The following PTPRT variants were observed in gnomAD, a reference collection of about 807,000 sequenced individuals.
PTPRT encodes the protein protein tyrosine phosphatase receptor type T.
Under a neutral mutation model 176.8 loss-of-function variants are expected in PTPRT, and 56 were observed. The ratio of observed to expected loss-of-function variants is 0.32; its 90% confidence interval spans 0.26 to 0.40. The LOEUF is 0.40. PTPRT is among the 10% of genes least tolerant of loss of function. The pLI, the probability that PTPRT is intolerant of heterozygous loss-of-function variation, is 1.00. For synonymous variants in PTPRT, 783 were observed against 739.0 expected, an observed-to-expected ratio of 1.06 and a Z score of -0.96; for missense variants, 1,540 against 1,908.2, an observed-to-expected ratio of 0.81 and a Z score of 3.60.
chr20:42,677,998 C>A lies in PTPRT; in HGVS notation c.1021G>T (p.Asp341Tyr), dbSNP rs762711002. 1.2e-6 allele frequency: 2 copies of A among 1,614,148 alleles called. No individual in the cohort carries two copies. Among genetic ancestry groups the A allele is most frequent in the South Asian group, 1.1e-5 (1 of 91,076 alleles). ...TGTWAETHIV[D>Y]SPNYKLWHLD... is the part of the protein sequence containing the mutation. ...TGCCACAGCTTATAGTTGGGAGAGT[C>A]GACTATGTGGGTCTCTGCCCACGTG... Residue 341 changes from aspartate (D) to tyrosine (Y), a missense_variant, in exon 7 of 31, where the codon GAC (aspartate) becomes TAC (tyrosine). Asp to Tyr is a radical substitution (Grantham distance 160). This residue lies in a region of PTPRT where 273 missense variants were observed against 432.1 expected (regional missense o/e 0.63). Transcript: ENST00000373187.
At chr20:42,067,116 T>C in the PTPRT span, among the ~76,000 whole-genome samples, 2 of 152,056 alleles carry the variant, frequency 1.3e-5, no homozygotes, top group African/African-American at 2.4e-5. Flanking sequence ...TTGCTCAGAG[T>C]TGGGGTCTGG....
the PTPRT span, among the ~76,000 whole-genome samples, chr20:42,038,592 C>T: frequency 6.6e-6 from 1 of 152,112 alleles, no homozygotes; most frequent in Non-Finnish European, 1.5e-5. Flanking sequence ...GGATGCAGTC[C>T]CTGGTTCTAT....
At chr20:42,713,493 ATTATCTGCC>A (rs879717637) in intron 6 of PTPRT, among the ~76,000 whole-genome samples, 10 of 152,156 alleles carry the variant, frequency 6.6e-5, no homozygotes, top group Admixed American at 3.9e-4. Flanking sequence ...TATACATTGT[ATTATCTGCC>A]TTCCTATCAT....
At chr20:42,108,115 G>A (rs866644375) in intron 23 of PTPRT, among the ~76,000 whole-genome samples, 2 of 151,938 alleles carry the variant, frequency 1.3e-5, no homozygotes. Flanking sequence ...AGCCCAATTT[G>A]GTTCCAAATT....
At chr20:42,056,812 C>T in the PTPRT span, among the ~76,000 whole-genome samples, 3 of 152,190 alleles carry the variant, frequency 2.0e-5, no homozygotes, top group African/African-American at 7.2e-5. Flanking sequence ...CTGTCTTAGG[C>T]AAACTAAGAA....
intron 24 of PTPRT, 134 bp from the exon 25 acceptor site, chr20:42,104,852 T>C (rs2146256242): frequency 2.0e-6 from 2 of 999,756 alleles, no homozygotes; most frequent in South Asian, 2.0e-5. Context: ...TTACTTTTTA[T>C]ACTGTAACCC....
chr20:42,329,527 G>C (rs2057937634), intron 11 of PTPRT, among the ~76,000 whole-genome samples: 1 of 143,414 alleles, frequency 7.0e-6, no homozygotes, highest in South Asian at 2.3e-4. Context: ...ACACACACAG[G>C]CAACATCACC....
At chr20:43,145,186 T>A (rs1479418206) in intron 1 of PTPRT, among the ~76,000 whole-genome samples, 1 of 152,252 alleles carries the variant, frequency 6.6e-6, no homozygotes, top group African/African-American at 2.4e-5. Flanking sequence ...TCTATGTTGT[T>A]CACCAATGTC....
chr20:42,859,507 T>G (rs1040208637), intron 2 of PTPRT, among the ~76,000 whole-genome samples: 7 of 152,182 alleles, frequency 4.6e-5, no homozygotes, highest in Non-Finnish European at 7.3e-5. Context: ...TTAAAACCTC[T>G]TTACATGTTA....
intron 11 of PTPRT, among the ~76,000 whole-genome samples, chr20:42,339,407 T>A (rs554427494): frequency 5.9e-5 from 9 of 152,288 alleles, no homozygotes; most frequent in African/African-American, 2.2e-4. Context: ...AAACTGGTTA[T>A]CCTCATGCTG....
At chr20:42,273,406 G>C (rs981897178) in intron 13 of PTPRT, among the ~76,000 whole-genome samples, 4 of 152,066 alleles carry the variant, frequency 2.6e-5, no homozygotes, top group Non-Finnish European at 5.9e-5. Flanking sequence ...GTGGAGATGG[G>C]GTTTCTTCTT....
chr20:42,050,671 G>A, the PTPRT span, among the ~76,000 whole-genome samples: 1 of 152,200 alleles, frequency 6.6e-6, no homozygotes, highest in South Asian at 2.1e-4. Context: ...TGGAAGTGAA[G>A]CTTTAACTCC....
At chr20:42,406,098 A>G (rs2058958620) in intron 9 of PTPRT, among the ~76,000 whole-genome samples, 1 of 152,148 alleles carries the variant, frequency 6.6e-6, no homozygotes, top group Non-Finnish European at 1.5e-5. Context: ...ATCCAGAGTA[A>G]TGTGATCCAA....
At chr20:42,654,533 G>C (rs2075089708) in intron 7 of PTPRT, among the ~76,000 whole-genome samples, 1 of 152,180 alleles carries the variant, frequency 6.6e-6, no homozygotes, top group African/African-American at 2.4e-5. Context: ...GGTTACTACA[G>C]AGAGGGGTAG....
chr20:42,880,640 G>A (rs942743573), intron 2 of PTPRT, among the ~76,000 whole-genome samples: 3 of 152,168 alleles, frequency 2.0e-5, no homozygotes, highest in African/African-American at 7.2e-5. Context: ...AGATGGGGAA[G>A]GCAGGGCTAG....
intron 7 of PTPRT, among the ~76,000 whole-genome samples, chr20:42,592,450 C>A (rs1030450475): frequency 3.9e-5 from 6 of 152,132 alleles, no homozygotes; most frequent in Admixed American, 3.3e-4. Context: ...TCAAGAACAC[C>A]CTGACCTGCT....
At chr20:42,115,406 C>G (rs1186338554) in intron 21 of PTPRT, 91 bp from the exon 22 acceptor site, 1 of 989,944 alleles carries the variant, frequency 1.0e-6, no homozygotes, top group Non-Finnish European at 1.6e-6. Context: ...CTCATCTGGT[C>G]GTCCCATCCA....
At chr20:42,120,071 G>A (rs1987506793) in intron 19 of PTPRT, 100 bp from the exon 20 acceptor site, 2 of 1,053,252 alleles carry the variant, frequency 1.9e-6, no homozygotes, top group Non-Finnish European at 2.8e-6. Context: ...TTTTCTCATG[G>A]GCAAAATGAG....
intron 1 of PTPRT, among the ~76,000 whole-genome samples, chr20:43,039,068 G>A (rs1024894700): frequency 4.6e-5 from 7 of 152,120 alleles, no homozygotes; most frequent in African/African-American, 1.4e-4. Context: ...TTTGAGGGGA[G>A]CACCTGACAA....
Sources: gnomAD v4.1 joint callset for allele counts (sites outside exome capture counted in the v4.1 genomes callset) on GRCh38, gnomAD v4.1.1 for gene constraint, gnomAD v4.1.1 regional missense constraint, MANE v1.5 for transcripts, NCBI Gene and HGNC (gene_info 2026-07-23, HGNC 2026-07-21) for gene names.